TMEM221: variants seen among roughly 807,000 people sequenced by gnomAD.
TMEM221 encodes the protein Putative transmembrane protein ENSP00000342162.
Under a neutral mutation model 10.2 loss-of-function variants are expected in TMEM221, and 11 were observed. The ratio of observed to expected loss-of-function variants is 1.08; its 90% CI spans 0.68 to 1.79. The LOEUF (loss-of-function observed/expected upper bound fraction) is 1.79, where lower values mean the gene tolerates loss of function less well. Ranked by LOEUF, TMEM221 falls within the 40% of genes most tolerant of loss-of-function variation. The pLI is 0.00. For missense variants in TMEM221, 382 were observed against 417.7 expected, an observed-to-expected ratio of 0.91 and a Z score of 0.75; for synonymous variants, 172 against 199.8, an observed-to-expected ratio of 0.86 and a Z score of 1.18.
chr19:17,436,463 C>A lies in TMEM221; in HGVS notation c.871G>T (p.Val291Leu), dbSNP rs1195390742. ...TCTATTCCTCATCCCTGGGCTCACA[C>A]CAGTGTGGAGTCCTTCCCCATGCTC... ...PGSMGKDSTL[V>L] The change falls in exon 3 of 3, where the codon GTG (valine) becomes TTG (leucine). Residue 291 changes from valine (V) to leucine (L), a missense_variant. Transcript: ENST00000341130. 3.3e-6 allele frequency: 5 copies of A among 1,515,390 alleles called. No homozygotes were observed. The highest frequency in any genetic ancestry group is 4.4e-6 in the Non-Finnish European group (5 of 1,132,610). The allele number at this position is 1,515,390 out of a possible 1,614,324, so 93.9% of individuals were successfully genotyped here.
Position 17,448,522 on chromosome 19 carries a change from G to A in TMEM221, c.-60C>T. On this transcript the variant is annotated 5_prime_UTR_variant, in exon 1 of 3. Transcript: ENST00000341130. This position sits in a 1 kb window ranked among gnomAD's most constrained non-coding sequence, Gnocchi z 4.7. The stretch of plus-strand genomic sequence containing the variant: ...GGAATTGAAGTGGTTTTAGAGGGCA[G>A]GGGAGTTGGGGGGAATCCGAGGGTC... The A allele has an allele frequency of 1.5e-6, 2 of 1,320,354 alleles. No individual in the cohort carries two copies. Among genetic ancestry groups the A allele is most frequent in the African/African-American group, 1.5e-5 (1 of 64,598 alleles). The allele number at this position is 1,320,354 out of a possible 1,614,324, so 81.8% of individuals were successfully genotyped here.
chr19:17,438,602 T>G (rs2074919217), intron 2 of TMEM221, among the ~76,000 whole-genome samples: 1 of 150,920 alleles, frequency 6.6e-6, no homozygotes, highest in Non-Finnish European at 1.5e-5. Flanking sequence ...TATCTTTTTT[T>G]TTTTTTTTTT....
intron 2 of TMEM221, among the ~76,000 whole-genome samples, chr19:17,439,784 T>G (rs1009499273): frequency 5.3e-5 from 8 of 151,860 alleles, no homozygotes; most frequent in Non-Finnish European, 1.2e-4. Context: ...GGGGAGTGAT[T>G]GCTAATGGAG....
chr19:17,446,273 C>T (rs951894566), intron 1 of TMEM221, among the ~76,000 whole-genome samples: 8 of 152,132 alleles, frequency 5.3e-5, no homozygotes, highest in Non-Finnish European at 1.0e-4. Context: ...CCCTATAACC[C>T]ATCTATATGC....
chr19:17,444,071 C>CTTTTTT (rs67270566), intron 2 of TMEM221, among the ~76,000 whole-genome samples: 6 of 56,292 alleles, frequency 1.1e-4, no homozygotes, highest in African/African-American at 3.7e-4. Context: ...AAAATGCTAT[C>CTTTTTT]TTTTTTTTTT....
Position 17,448,289 on chromosome 19 carries a change from C to A in TMEM221, c.174G>T (p.Gly58=). 8.2e-7 allele frequency: 1 copy of A among 1,217,290 alleles called. No individual in the cohort carries two copies. The highest frequency in any genetic ancestry group is 3.6e-5 in the South Asian group (1 of 27,908). 75.4% of individuals were successfully genotyped at this position (1,217,290 alleles called of 1,614,324 possible). The stretch of plus-strand genomic sequence containing the variant: ...GCGTCCCGGCCGCGTCCTCTGGCAG[C>A]CCGGGGCCGGCGCCCAGCTCCTGGC... ...GLGQELGAGP[G]LPEDAAGTLL... The change falls in exon 1 of 3, where the codon GGG becomes GGT. Residue 58 remains glycine (G), a synonymous_variant. Transcript: ENST00000341130. This position sits in a 1 kb window ranked among gnomAD's most constrained non-coding sequence, Gnocchi z 4.7.
At chr19:17,437,981 C>T (rs536396533) in intron 2 of TMEM221, among the ~76,000 whole-genome samples, 6 of 150,198 alleles carry the variant, frequency 4.0e-5, no homozygotes, top group South Asian at 2.1e-4. Flanking sequence ...GGCAGTGGCT[C>T]GGCTACAGCT....
rs924305967 is a variant in TMEM221, at chr19:17,448,414, C to T, written c.49G>A (p.Gly17Ser). 3 of 1,475,138 alleles carry T rather than the reference C, an allele frequency of 2.0e-6. No individual in the cohort carries two copies. In the African/African-American group the frequency reaches 4.4e-5, roughly 22 times the overall value. 91.4% of individuals were successfully genotyped at this position (1,475,138 alleles called of 1,614,324 possible). The change falls in exon 1 of 3, where the codon GGC (glycine) becomes AGC (serine). Residue 17 changes from glycine (G) to serine (S), a missense_variant. Coordinates refer to ENST00000341130, the MANE Select transcript of TMEM221 (RefSeq NM_001190844.2). This position sits in a 1 kb window ranked among gnomAD's most constrained non-coding sequence, Gnocchi z 4.7. ...GRVLAAMTLL[G>S]IAAAVLAALG... ...GCCGCCAGCACGGCCGCCGCGATGC[C>T]CAGCAGGGTCATTGCAGCCAGCACC...
intron 2 of TMEM221, among the ~76,000 whole-genome samples, chr19:17,444,518 C>CTTTTTT (rs71162133): frequency 3.3e-5 from 3 of 92,166 alleles, no homozygotes; most frequent in African/African-American, 4.5e-5. Flanking sequence ...CATCCACGGG[C>CTTTTTT]TTTTTTTTTT....
In TMEM221 at chr19:17,436,609, A is replaced by C; in HGVS notation, c.725T>G (p.Leu242Arg). 1 of 1,536,100 alleles carries C rather than the reference A, an allele frequency of 6.5e-7. No individual in the cohort carries two copies. Among genetic ancestry groups the C allele is most frequent in the Non-Finnish European group, 8.7e-7 (1 of 1,146,886 alleles). Residue 242 changes from leucine (L) to arginine (R), a missense_variant, in exon 3 of 3, where the codon CTG becomes CGG. Transcript: ENST00000341130. ...CAGGCTGCTCTCCCAGCCTCCCTCCAGGGCTGCAGGTGCTGTGGCAGTGGC... is the reference window on the plus strand; with the variant it reads ...CAGGCTGCTCTCCCAGCCTCCCTCCCGGGCTGCAGGTGCTGTGGCAGTGGC... ...SMATATAPAA[L>R]EGGWESSLPA... is the part of the protein sequence containing the mutation.
rs76901857 is a variant in TMEM221 at position 17,447,432 on chromosome 19, C to G, written c.320+711G>C. Among the ~76,000 whole-genome samples the G allele has an allele frequency of 9.3e-3, 1,414 of 152,182 alleles. 24 individuals carry two copies. The highest frequency in any genetic ancestry group is 0.032 in the African/African-American group (1,340 of 41,514). On this transcript the variant is annotated intron_variant, in intron 1 of 2. Coordinates refer to ENST00000341130, the MANE Select transcript of TMEM221 (RefSeq NM_001190844.2). ...GATCCATTCCCCTGCAGGCAGGCACCCAACAGATGTTTGCTGACCCGTGGG... is the reference window on the plus strand; with the variant it reads ...GATCCATTCCCCTGCAGGCAGGCACGCAACAGATGTTTGCTGACCCGTGGG...
At chr19:17,447,028 C>T (rs2144506440) in intron 1 of TMEM221, among the ~76,000 whole-genome samples, 1 of 152,014 alleles carries the variant, frequency 6.6e-6, no homozygotes, top group Admixed American at 6.6e-5. Context: ...TCAAGACCAG[C>T]CTGGCCAACA....
In TMEM221 at chr19:17,448,329, C is replaced by T; in HGVS notation, c.134G>A (p.Arg45His). Residue 45 changes from arginine to histidine, a missense_variant, in exon 1 of 3, where the codon CGC becomes CAC. Arg to His is a conservative substitution (Grantham distance 29). Coordinates refer to ENST00000341130, the MANE Select transcript of TMEM221 (RefSeq NM_001190844.2). This position sits in a 1 kb window ranked among gnomAD's most constrained non-coding sequence, Gnocchi z 4.7. ...QAGRAELRGL[R>H]AEGLGQELGA... ...CAGCTCCTGGCCCAGCCCCTCGGCG[C>T]GCAGCCCCCGCAGCTCGGCGCGGCC... The T allele has an allele frequency of 1.1e-5, 14 of 1,286,484 alleles. No individual in the cohort carries two copies. Among genetic ancestry groups the T allele is most frequent in the Non-Finnish European group, 1.3e-5 (13 of 1,018,226 alleles). 79.7% of individuals were successfully genotyped at this position (1,286,484 alleles called of 1,614,324 possible).
At chr19:17,438,785 CAG>C (rs1300960030) in intron 2 of TMEM221, among the ~76,000 whole-genome samples, 5 of 151,032 alleles carry the variant, frequency 3.3e-5, no homozygotes, top group Admixed American at 6.6e-5. Context: ...TTAGTAGAGA[CAG>C]GGGTTTCACC....
At chr19:17,445,061 G>T in intron 2 of TMEM221, 138 bp downstream of exon 2, 1 of 704,212 alleles carries the variant, frequency 1.4e-6, no homozygotes, top group Non-Finnish European at 2.4e-6. Context: ...CTTTGCCCAA[G>T]GCACCAAAGC....
intron 2 of TMEM221, among the ~76,000 whole-genome samples, chr19:17,440,001 T>C (rs1200413641): frequency 6.6e-6 from 1 of 151,774 alleles, no homozygotes; most frequent in Non-Finnish European, 1.5e-5. Flanking sequence ...CCAGCTCAGG[T>C]GACATAGGGA....
In TMEM221 at chr19:17,448,128, G is replaced by A; in HGVS notation, c.320+15C>T. On this transcript the variant is annotated intron_variant, in intron 1 of 2. Coordinates refer to ENST00000341130, the MANE Select transcript of TMEM221 (RefSeq NM_001190844.2). The surrounding 1 kb of genome is among the most constrained non-coding windows in gnomAD (Gnocchi z 4.7). ...CCCAGCCGGGCCTCCGAGGCGGTGA[G>A]GCCAGTCCTCCTACCTCCTGGGGCC... The A allele has an allele frequency of 1.5e-6, 2 of 1,369,242 alleles. No homozygotes were observed. Among genetic ancestry groups the A allele is most frequent in the South Asian group, 1.6e-5 (1 of 60,854 alleles). 84.8% of individuals were successfully genotyped at this position (1,369,242 alleles called of 1,614,324 possible). A position where few individuals can be genotyped will look rare whatever the true frequency, so the allele number is the denominator to read the frequency against.
intron 2 of TMEM221, among the ~76,000 whole-genome samples, chr19:17,440,147 A>G (rs1220409695): frequency 3.3e-5 from 5 of 151,616 alleles, no homozygotes; most frequent in Non-Finnish European, 5.9e-5. Context: ...TGATCACACC[A>G]CTGCACTCCA....
chr19:17,439,100 A>G (rs527500142), intron 2 of TMEM221, among the ~76,000 whole-genome samples: 2 of 151,494 alleles, frequency 1.3e-5, no homozygotes, highest in South Asian at 4.2e-4. Context: ...CCAGCTATTC[A>G]GGAGGCTGAG....
Sources: allele counts gnomAD v4.1 joint callset (sites outside exome capture counted in the v4.1 genomes callset), GRCh38; gene constraint gnomAD v4.1.1; non-coding constraint Gnocchi (gnomAD v3.1); transcripts MANE v1.5; gene names NCBI Gene and HGNC (gene_info 2026-07-23, HGNC 2026-07-21).